Variants in CCDC178 observed in about 807,000 individuals in gnomAD.
The protein encoded by CCDC178 is coiled-coil domain containing 178, also known as coiled-coil domain-containing protein 178.
CCDC178 carries 126 observed loss-of-function variants against 117.4 expected under a neutral mutation model. The ratio of observed to expected loss-of-function variants is 1.07; its 90% confidence interval spans 0.93 to 1.24. The LOEUF is 1.24. Ranked by LOEUF, CCDC178 falls within the 50% of genes most tolerant of loss-of-function variation. The pLI, the probability that CCDC178 is intolerant of heterozygous loss-of-function variation, is 0.00. For missense variants in CCDC178, 1,030 were observed against 986.9 expected (o/e 1.04, Z -0.59); for synonymous variants, 283 against 313.4 (o/e 0.90, Z 1.02).
At chr18:33,348,395 C>T (rs1197956996) in intron 8 of CCDC178, among the ~76,000 whole-genome samples, 2 of 151,710 alleles carry the variant, frequency 1.3e-5, no homozygotes, top group African/African-American at 4.8e-5. Flanking sequence ...GAATATTTAT[C>T]ACAACTTAAA....
At chr18:33,414,013 T>G (rs1433357452) in intron 2 of CCDC178, among the ~76,000 whole-genome samples, 1 of 152,162 alleles carries the variant, frequency 6.6e-6, no homozygotes, top group African/African-American at 2.4e-5. Context: ...ACATACAAAA[T>G]GACTATGTAA....
intron 5 of CCDC178, among the ~76,000 whole-genome samples, chr18:33,380,701 G>A (rs2063429122): frequency 6.6e-6 from 1 of 152,126 alleles, no homozygotes; most frequent in African/African-American, 2.4e-5. Flanking sequence ...CCTGGGAATT[G>A]GAATGTCCTT....
chr18:33,145,332 G>C (rs776914102), intron 20 of CCDC178, among the ~76,000 whole-genome samples: 1 of 152,072 alleles, frequency 6.6e-6, no homozygotes, highest in Non-Finnish European at 1.5e-5. Flanking sequence ...TTTAAAAAGA[G>C]TTTGAATTTT....
intron 15 of CCDC178, among the ~76,000 whole-genome samples, chr18:33,238,088 TC>T (rs766987357): frequency 2.0e-5 from 3 of 152,292 alleles, no homozygotes; most frequent in Non-Finnish European, 2.9e-5. Context: ...CATTACTGTA[TC>T]CACCTGGGAC....
chr18:33,202,391 T>TA lies in CCDC178; in HGVS notation c.2238+9504dup, dbSNP rs60997290. On this transcript the variant is annotated intron_variant, in intron 20 of 22. Coordinates refer to ENST00000383096, the MANE Select transcript of CCDC178 (RefSeq NM_001105528.4). ...CTGGCAACAGAGCAAGACTCCATCT[T>TA]AAAAAAAAAAAAAAAAAAAAAAAAA... Among the ~76,000 whole-genome samples the TA allele has an allele frequency of 6.7e-3, 135 of 20,286 alleles. 5 individuals carry two copies. Among genetic ancestry groups the TA allele is most frequent in the African/African-American group, 0.016 (107 of 6,708 alleles). 13.3% of individuals were successfully genotyped at this position (20,286 alleles called of 152,430 possible).
At chr18:33,175,039 TTTA>T (rs149141852) in intron 20 of CCDC178, among the ~76,000 whole-genome samples, 8,905 of 126,514 alleles carry the variant, frequency 0.07, 294 homozygotes, top group Middle Eastern at 0.11. Flanking sequence ...TTTTTATTTT[TTTA>T]TTTTTTTTGG....
chr18:33,093,538 T>C (rs1316237798), intron 20 of CCDC178, among the ~76,000 whole-genome samples: 5 of 152,240 alleles, frequency 3.3e-5, no homozygotes, highest in African/African-American at 9.6e-5. Flanking sequence ...CTTTATAATG[T>C]CCTCCTCCAT....
intron 21 of CCDC178, among the ~76,000 whole-genome samples, chr18:33,028,351 A>T (rs142520156): frequency 1.4e-3 from 215 of 151,954 alleles, no homozygotes; most frequent in African/African-American, 4.9e-3. Flanking sequence ...AAATACATTC[A>T]TCATAATACA....
At chr18:33,436,574 C>CAGTA (rs911756881) in intron 2 of CCDC178, among the ~76,000 whole-genome samples, 5 of 152,190 alleles carry the variant, frequency 3.3e-5, no homozygotes, top group African/African-American at 1.2e-4. Context: ...ATCTCCAGAG[C>CAGTA]TACTGACCCT....
chr18:33,392,218 C>T lies in CCDC178; in HGVS notation c.119-2589G>A, dbSNP rs572557922. 2.0e-3 allele frequency among the ~76,000 whole-genome samples: 311 copies of T among 152,176 alleles called. 1 individual carries two copies. Among genetic ancestry groups the T allele is most frequent in the Middle Eastern group, 6.8e-3 (2 of 294 alleles). The stretch of plus-strand genomic sequence containing the variant: ...AAAATCTTCCTTATATATCAGCCAC[C>T]CCAACCCATAGGGGCTTGTTTATAA... On this transcript the variant is annotated intron_variant, in intron 4 of 22. Coordinates refer to ENST00000383096, the MANE Select transcript of CCDC178 (RefSeq NM_001105528.4).
chr18:33,245,205 T>C (rs2059534473), intron 15 of CCDC178, 40 bp downstream of exon 15: 1 of 1,457,630 alleles, frequency 6.9e-7, no homozygotes, highest in Non-Finnish European at 9.1e-7. Context: ...AAATTACTCT[T>C]TTTTTCATCA....
At chr18:33,423,413 T>C (rs1224604752) in intron 2 of CCDC178, among the ~76,000 whole-genome samples, 1 of 152,182 alleles carries the variant, frequency 6.6e-6, no homozygotes, top group African/African-American at 2.4e-5. Context: ...CGTTTTTAGG[T>C]GTATTCATGT....
chr18:33,087,192 T>C (rs1185647470), intron 21 of CCDC178, among the ~76,000 whole-genome samples: 1 of 152,130 alleles, frequency 6.6e-6, no homozygotes, highest in Non-Finnish European at 1.5e-5. Flanking sequence ...ATCTCAAAAC[T>C]GCATGAAAGA....
At chr18:33,236,670 A>C (rs532687302) in intron 15 of CCDC178, among the ~76,000 whole-genome samples, 12 of 152,326 alleles carry the variant, frequency 7.9e-5, no homozygotes, top group African/African-American at 2.6e-4. Flanking sequence ...CCGCACCCCA[A>C]AAAGAACCAA....
At chr18:33,224,615 T>C (rs984628752) in intron 17 of CCDC178, among the ~76,000 whole-genome samples, 160 bp downstream of exon 17, 2 of 152,222 alleles carry the variant, frequency 1.3e-5, no homozygotes, top group Non-Finnish European at 2.9e-5. Flanking sequence ...GGTCTTGCTA[T>C]AGAGTTTCAC....
chr18:33,186,410 T>C (rs1303988961), intron 20 of CCDC178, among the ~76,000 whole-genome samples: 1 of 152,126 alleles, frequency 6.6e-6, no homozygotes, highest in African/African-American at 2.4e-5. Context: ...CCAGACGCAC[T>C]GACCATAGTA....
intron 21 of CCDC178, among the ~76,000 whole-genome samples, chr18:33,039,217 G>A (rs2056501528): frequency 1.3e-5 from 2 of 151,866 alleles, no homozygotes; most frequent in Admixed American, 1.3e-4. Flanking sequence ...GAAATATTAA[G>A]GGTGAATTTA....
intron 20 of CCDC178, among the ~76,000 whole-genome samples, chr18:33,151,651 A>C (rs1375891079): frequency 2.0e-5 from 3 of 152,198 alleles, no homozygotes; most frequent in African/African-American, 7.2e-5. Context: ...GAAAGTAATC[A>C]ACTGAGGAAA....
At chr18:33,391,612 T>C (rs2063566272) in intron 4 of CCDC178, among the ~76,000 whole-genome samples, 1 of 152,118 alleles carries the variant, frequency 6.6e-6, no homozygotes, top group African/African-American at 2.4e-5. Context: ...ATTTGTCACA[T>C]AAAGTTAATT....
Sources: allele counts gnomAD v4.1 joint callset (sites outside exome capture counted in the v4.1 genomes callset), GRCh38; gene constraint gnomAD v4.1.1; transcripts MANE v1.5; gene names NCBI Gene and HGNC (gene_info 2026-07-23, HGNC 2026-07-21).